Variants in RIMBP2 observed in about 807,000 individuals in gnomAD.
The protein encoded by RIMBP2 is RIMS-binding protein 2.
RIMBP2 carries 48 observed loss-of-function variants against 118.6 expected under a neutral mutation model. That is an observed-to-expected ratio of 0.40 (90% CI 0.32 to 0.51). The LOEUF is 0.51. Ranked by LOEUF, RIMBP2 falls within the 20% of genes least tolerant of loss-of-function variation. RIMBP2 has a pLI of 0.41. For synonymous variants in RIMBP2, 762 were observed against 742.9 expected (o/e 1.03, Z -0.42); for missense variants, 1,551 against 1,768.3 (o/e 0.88, Z 2.20).
rs771404338 is a variant in RIMBP2, at chr12:130,456,550, G to C, written c.304C>G (p.Pro102Ala). Residue 102 changes from proline to alanine, a missense_variant, in exon 7 of 23, where the codon CCC (proline) becomes GCC (alanine). Pro to Ala is a conservative substitution (Grantham distance 27). Transcript: ENST00000690449. ...ATGAACTGTGGGAAAGGCTTGCTGG[G>C]GGCCGTGGAGATGTCCAGGGGGGCC... is the stretch of plus-strand genomic sequence containing the variant. ...AVAPLDISTA[P>A]SKPFPQFMNG... 4 of 1,610,996 alleles carry C rather than the reference G, an allele frequency of 2.5e-6. No homozygotes were observed. In the South Asian group the frequency reaches 3.3e-5, roughly 13 times the overall value.
chr12:130,646,423 T>TCCCTCACCACCTCCCTCACCACC lies in RIMBP2; in HGVS notation c.-351-17968_-351-17967insGGTGGTGAGGGAGGTGGTGAGGG, dbSNP rs1566423515. On this transcript the variant is annotated intron_variant, in intron 1 of 22. Coordinates refer to ENST00000690449, the MANE Select transcript of RIMBP2 (RefSeq NM_001393629.1). ...CCTGCCTCTCCACCTCCCTCACCAC[T>TCCCTCACCACCTCCCTCACCACC]TCCCTCTCCACCTCCCTTGCCACCT... Among the ~76,000 whole-genome samples, 5 of 7,486 alleles carry TCCCTCACCACCTCCCTCACCACC rather than the reference T, an allele frequency of 6.7e-4. 2 individuals are homozygous for TCCCTCACCACCTCCCTCACCACC. Among genetic ancestry groups the TCCCTCACCACCTCCCTCACCACC allele is most frequent in the Non-Finnish European group, 1.2e-3 (5 of 4,314 alleles). 4.9% of individuals were successfully genotyped at this position (7,486 alleles called of 152,430 possible).
chr12:130,480,547 T>G (rs2081897651), intron 4 of RIMBP2, among the ~76,000 whole-genome samples: 1 of 152,224 alleles, frequency 6.6e-6, no homozygotes, highest in Non-Finnish European at 1.5e-5. Context: ...CATTTATTTT[T>G]TATTATTTTA....
At position 130,576,676 on chromosome 12, in the gene RIMBP2, G is replaced by A. The variant is rs57580657; in HGVS notation, c.-217+51646C>T. On this transcript the variant is annotated intron_variant, in intron 2 of 22. Coordinates refer to ENST00000690449, the MANE Select transcript of RIMBP2 (RefSeq NM_001393629.1). The surrounding 1 kb of genome is among the most constrained non-coding windows in gnomAD (Gnocchi z 4.2). ...ACGAGCTGGCAGGACAGGGAGGACG[G>A]CAGGGAGTCCTTAGCACAAACTGCC... 8.8e-3 allele frequency among the ~76,000 whole-genome samples: 1,346 copies of A among 152,302 alleles called. 17 individuals carry two copies. Among genetic ancestry groups the A allele is most frequent in the African/African-American group, 0.03 (1,248 of 41,562 alleles).
At position 130,675,527 on chromosome 12, in the gene RIMBP2, T is replaced by A. The variant is rs1488761523; in HGVS notation, c.-352+40695A>T. 5.3e-5 allele frequency among the ~76,000 whole-genome samples: 8 copies of A among 149,614 alleles called. No homozygotes were observed. In the East Asian group the frequency reaches 1.6e-3, roughly 30 times the overall value. ...GCCCAGGCCTCCTTCCTGTCCCCAC[T>A]CCCTTCCGTCCACCCCCATGCCTCC... is the stretch of plus-strand genomic sequence containing the variant. On this transcript the variant is annotated intron_variant, in intron 1 of 22. Transcript: ENST00000690449.
chr12:130,664,413 A>ACGCACACACG (rs746938510), intron 1 of RIMBP2, among the ~76,000 whole-genome samples: 5 of 121,238 alleles, frequency 4.1e-5, no homozygotes, highest in African/African-American at 1.5e-4. Context: ...GCACGCACGC[A>ACGCACACACG]CACACACGCA....
intron 6 of RIMBP2, among the ~76,000 whole-genome samples, chr12:130,459,783 G>A (rs557356133): frequency 2.0e-5 from 3 of 152,180 alleles, no homozygotes; most frequent in East Asian, 1.9e-4. Flanking sequence ...GACGGGGGGT[G>A]GGGGGCCAAG....
intron 1 of RIMBP2, among the ~76,000 whole-genome samples, chr12:130,697,107 T>C (rs1022321194): frequency 6.6e-6 from 1 of 152,222 alleles, no homozygotes; most frequent in African/African-American, 2.4e-5. Context: ...ATATTTATAA[T>C]GAACACACAG....
rs2076656313 is a variant in RIMBP2, at chr12:130,424,654, A to AG, written c.2616dup (p.Tyr873LeufsTer54). The AG allele has an allele frequency of 1.6e-6, 2 of 1,231,534 alleles. No homozygotes were observed. Among genetic ancestry groups the AG allele is most frequent in the African/African-American group, 3.1e-5 (2 of 64,242 alleles). The allele number at this position is 1,231,534 out of a possible 1,614,324, so 76.3% of individuals were successfully genotyped here. A position where few individuals can be genotyped will look rare whatever the true frequency, so the allele number is the denominator to read the frequency against. On this transcript the variant is annotated frameshift_variant, in exon 16 of 23. Coordinates refer to ENST00000690449, the MANE Select transcript of RIMBP2 (RefSeq NM_001393629.1). LOFTEE classifies it high-confidence loss of function. The surrounding 1 kb of genome is among the most constrained non-coding windows in gnomAD (Gnocchi z 9.8). ...CCCCGAGGGGCCTCGTCGCCCCTGT[A>AG]GGGCCTGCCGGGCCTGGGCTCTCTG...
chr12:130,615,321 A>T (rs1178082010), intron 2 of RIMBP2, among the ~76,000 whole-genome samples: 5 of 145,034 alleles, frequency 3.4e-5, no homozygotes, highest in Admixed American at 2.8e-4. Context: ...ATATATAGAT[A>T]TTTTTTTGAG....
chr12:130,698,888 AAAAC>A (rs1469978533), intron 1 of RIMBP2, among the ~76,000 whole-genome samples: 1 of 152,174 alleles, frequency 6.6e-6, no homozygotes, highest in Non-Finnish European at 1.5e-5. Context: ...TTACAAGAAA[AAAAC>A]AAACAACCCC....
Position 130,422,304 on chromosome 12 carries a change from T to C in RIMBP2, c.3238+149A>G, listed in dbSNP as rs1593237629. The C allele has an allele frequency of 1.8e-6, 1 of 548,046 alleles. No individual in the cohort carries two copies. The highest frequency in any genetic ancestry group is 3.3e-6 in the Non-Finnish European group (1 of 299,880). 33.9% of individuals were successfully genotyped at this position (548,046 alleles called of 1,614,324 possible). ...TTACAAATAGCTTTCATTTATCTTGTGCTGTTCCTGCCTTCTTTTTGCCAT... is the reference window on the plus strand; with the variant it reads ...TTACAAATAGCTTTCATTTATCTTGCGCTGTTCCTGCCTTCTTTTTGCCAT... On this transcript the variant is annotated intron_variant, in intron 17 of 22. Coordinates refer to ENST00000690449, the MANE Select transcript of RIMBP2 (RefSeq NM_001393629.1). This position sits in a 1 kb window ranked among gnomAD's most constrained non-coding sequence, Gnocchi z 5.2.
intron 1 of RIMBP2, chr12:130,667,388 TAC>T (rs1486364237): frequency 6.6e-6 from 1 of 152,158 alleles, no homozygotes; most frequent in Non-Finnish European, 1.5e-5. Flanking sequence ...AGGAATTGTT[TAC>T]AGAGTTGTCA....
chr12:130,490,210 C>T (rs1430901954), intron 4 of RIMBP2, among the ~76,000 whole-genome samples: 3 of 151,146 alleles, frequency 2.0e-5, no homozygotes, highest in African/African-American at 7.3e-5. Context: ...TGAGTTGTTG[C>T]AACTGGACTC....
chr12:130,673,101 T>G (rs2064274612), intron 1 of RIMBP2, among the ~76,000 whole-genome samples: 1 of 152,230 alleles, frequency 6.6e-6, no homozygotes, highest in Non-Finnish European at 1.5e-5. Flanking sequence ...GAATCACCAG[T>G]GCCTGCTCCC....
At chr12:130,508,121 C>A (rs1463093495) in intron 3 of RIMBP2, among the ~76,000 whole-genome samples, 1 of 152,110 alleles carries the variant, frequency 6.6e-6, no homozygotes, top group Non-Finnish European at 1.5e-5. Context: ...TTGAATTAAA[C>A]CACCCTCACT....
chr12:130,697,051 A>T (rs1437418461), intron 1 of RIMBP2, among the ~76,000 whole-genome samples: 1 of 152,232 alleles, frequency 6.6e-6, no homozygotes, highest in Non-Finnish European at 1.5e-5. Context: ...CAGACAATGA[A>T]TAAGTGCCTC....
rs779881497 is a variant in RIMBP2 at position 130,420,302 on chromosome 12, G to A, written c.3238+2151C>T. Reference sequence around the variant, plus strand: ...TTAGAGTTATTTTATGTGGTGTCCCGGCTTGCTACATGATAAGAAGTCAGC... The same window carrying A: ...TTAGAGTTATTTTATGTGGTGTCCCAGCTTGCTACATGATAAGAAGTCAGC... On this transcript the variant is annotated intron_variant, in intron 17 of 22. Coordinates refer to ENST00000690449, the MANE Select transcript of RIMBP2 (RefSeq NM_001393629.1). The surrounding 1 kb of genome is among the most constrained non-coding windows in gnomAD (Gnocchi z 4.3). Among the ~76,000 whole-genome samples the A allele has an allele frequency of 5.3e-5, 8 of 152,054 alleles. No homozygotes were observed. Among genetic ancestry groups the A allele is most frequent in the East Asian group, 1.9e-4 (1 of 5,180 alleles).
chr12:130,586,240 G>C (rs1304454083), intron 2 of RIMBP2, among the ~76,000 whole-genome samples: 1 of 152,174 alleles, frequency 6.6e-6, no homozygotes, highest in Non-Finnish European at 1.5e-5. Context: ...GGATCACGAG[G>C]TCAGGAGTTC....
intron 6 of RIMBP2, among the ~76,000 whole-genome samples, chr12:130,463,300 TC>T (rs1466521519): frequency 5.9e-5 from 9 of 152,146 alleles, no homozygotes; most frequent in Admixed American, 5.9e-4. Flanking sequence ...GTGCTGCTCC[TC>T]CCCATCCCGA....
Sources: allele counts gnomAD v4.1 joint callset (sites outside exome capture counted in the v4.1 genomes callset), GRCh38; gene constraint gnomAD v4.1.1; non-coding constraint Gnocchi (gnomAD v3.1); transcripts MANE v1.5; gene names NCBI Gene and HGNC (gene_info 2026-07-23, HGNC 2026-07-21).